The following AP2A2 variants were observed in gnomAD, a reference collection of about 807,000 sequenced individuals.
AP2A2 encodes the protein adaptor related protein complex 2 subunit alpha 2.
A neutral mutation model predicts 104.2 loss-of-function variants in AP2A2; 32 were observed. The ratio of observed to expected loss-of-function variants is 0.31; its 90% CI spans 0.23 to 0.41. The LOEUF (loss-of-function observed/expected upper bound fraction) is 0.41, where lower values mean the gene tolerates loss of function less well. Ranked by LOEUF, AP2A2 falls within the 10% of genes least tolerant of loss-of-function variation. AP2A2 has a pLI of 1.00. For missense variants in AP2A2, 912 were observed against 1,261.0 expected, an observed-to-expected ratio of 0.72 and a Z score of 4.19; for synonymous variants, 539 against 533.3, an observed-to-expected ratio of 1.01 and a Z score of -0.15.
At chr11:1,000,941 C>A (rs914303724) in intron 15 of AP2A2, among the ~76,000 whole-genome samples, 1 of 152,192 alleles carries the variant, frequency 6.6e-6, no homozygotes, top group Non-Finnish European at 1.5e-5. Context: ...TGTAGCTACA[C>A]GTCTCCTCTC....
At chr11:994,541 C>T (rs1247184222) in intron 14 of AP2A2, among the ~76,000 whole-genome samples, 26 of 147,280 alleles carry the variant, frequency 1.8e-4, no homozygotes, top group African/African-American at 3.0e-4. Context: ...GCTGGACGCC[C>T]CCCTGGCCTG....
At chr11:981,107 G>C (rs1855221603) in intron 5 of AP2A2, 91 bp from the exon 6 acceptor site, 1 of 1,088,510 alleles carries the variant, frequency 9.2e-7, no homozygotes, top group South Asian at 1.6e-5. Flanking sequence ...CCACTGTGCT[G>C]CTGGTTGGTT....
chr11:959,819 T>TTGGTGG (rs1444104215), intron 2 of AP2A2, among the ~76,000 whole-genome samples: 1 of 151,866 alleles, frequency 6.6e-6, no homozygotes, highest in Non-Finnish European at 1.5e-5. Context: ...CGGGAAGTGC[T>TTGGTGG]CTGTGTAAGG....
rs1351518468 is a variant in AP2A2 at position 992,739 on chromosome 11, G to C, written c.1452+54G>C. The C allele has an allele frequency of 1.9e-6, 3 of 1,602,226 alleles. No homozygotes were observed. Among genetic ancestry groups the C allele is most frequent in the Non-Finnish European group, 2.6e-6 (3 of 1,171,502 alleles). Reference sequence around the variant, plus strand: ...GGGGTGGAGGGCAGTTGCAGAAGGTGAGCAGTGAGTGGTTCCAGCCTGCCT... The same window carrying C: ...GGGGTGGAGGGCAGTTGCAGAAGGTCAGCAGTGAGTGGTTCCAGCCTGCCT... On this transcript the variant is annotated intron_variant, in intron 11 of 21. Transcript: ENST00000448903. The surrounding 1 kb of genome is among the most constrained non-coding windows in gnomAD (Gnocchi z 6.4).
chr11:926,407 G>C (rs1853123698), intron 1 of AP2A2, among the ~76,000 whole-genome samples: 1 of 151,494 alleles, frequency 6.6e-6, no homozygotes, highest in African/African-American at 2.4e-5. Context: ...CCAGGGTCTA[G>C]GGGTGCGGGG....
intron 2 of AP2A2, among the ~76,000 whole-genome samples, chr11:969,731 G>C (rs1179478958): frequency 6.6e-6 from 1 of 152,138 alleles, no homozygotes; most frequent in Non-Finnish European, 1.5e-5. Flanking sequence ...GCTATGAAGT[G>C]GCAGATAATT....
Position 988,534 on chromosome 11 carries a change from C to T in AP2A2, c.1132-18C>T. On this transcript the variant is annotated intron_variant, in intron 9 of 21. Transcript: ENST00000448903. The stretch of plus-strand genomic sequence containing the variant: ...TGCCTTGCTCCTGCGACCTCTTACT[C>T]TGTGCCTTGTTCCCCAGACTGAGCG... 1 of 1,608,010 alleles carries T rather than the reference C, an allele frequency of 6.2e-7. No individual in the cohort carries two copies. The highest frequency in any genetic ancestry group is 8.5e-7 in the Non-Finnish European group (1 of 1,179,312).
At chr11:958,901 G>C (rs1261318223) in intron 1 of AP2A2, among the ~76,000 whole-genome samples, 1 of 152,208 alleles carries the variant, frequency 6.6e-6, no homozygotes, top group Non-Finnish European at 1.5e-5. Context: ...GCTGAGTCTT[G>C]AAGGATGCGT....
At chr11:951,700 G>T (rs1427752446) in intron 1 of AP2A2, among the ~76,000 whole-genome samples, 1 of 152,164 alleles carries the variant, frequency 6.6e-6, no homozygotes, top group African/African-American at 2.4e-5. Flanking sequence ...TGATAGCCCA[G>T]GGTCACGTAG....
chr11:953,637 G>A (rs1486006643), intron 1 of AP2A2, among the ~76,000 whole-genome samples: 2 of 148,332 alleles, frequency 1.3e-5, no homozygotes, highest in African/African-American at 2.5e-5. Context: ...GCCTCCGTCT[G>A]CCTCCGTCTG....
intron 2 of AP2A2, among the ~76,000 whole-genome samples, chr11:963,880 C>A (rs750000892): frequency 5.3e-5 from 8 of 152,248 alleles, no homozygotes; most frequent in South Asian, 4.1e-4. Context: ...TCTGCCTTGA[C>A]CTCCCAAAGT....
intron 2 of AP2A2, among the ~76,000 whole-genome samples, chr11:969,219 CCTTTTTTTTTTTTTTTTTT>C (rs1249072372): frequency 1.8e-5 from 2 of 112,812 alleles, no homozygotes; most frequent in African/African-American, 6.6e-5. Flanking sequence ...GTAGAACAGC[CCTTTTTTTTTTTTTTTTTT>C]TTTTTTTTTG....
chr11:928,800 T>C (rs890128894), intron 1 of AP2A2, among the ~76,000 whole-genome samples: 1 of 152,200 alleles, frequency 6.6e-6, no homozygotes, highest in Non-Finnish European at 1.5e-5. Context: ...CGGAATCCTC[T>C]TTCCCTCATT....
intron 2 of AP2A2, among the ~76,000 whole-genome samples, chr11:961,633 T>TCGCC (rs1564795107): frequency 1.2e-4 from 6 of 49,980 alleles, no homozygotes; most frequent in African/African-American, 1.4e-4. Context: ...CTGACAGAGT[T>TCGCC]GCCACCAGTG....
At position 1,012,164 on chromosome 11, in the gene AP2A2, C is replaced by G. The variant is rs988973079; in HGVS notation, c.*1539C>G. 1 of 152,546 alleles carries G rather than the reference C, an allele frequency of 6.6e-6. No homozygotes were observed. Among genetic ancestry groups the G allele is most frequent in the South Asian group, 2.1e-4 (1 of 4,846 alleles). 9.4% of individuals were successfully genotyped at this position (152,546 alleles called of 1,614,324 possible). A position where few individuals can be genotyped will look rare whatever the true frequency, so the allele number is the denominator to read the frequency against. On this transcript the variant is annotated 3_prime_UTR_variant, in exon 22 of 22. Coordinates refer to ENST00000448903, the MANE Select transcript of AP2A2 (RefSeq NM_012305.4). ...GAGGAAAGGCTGCTCCCCGAGGCAC[C>G]GCTTCCCTGTGCGGCGCTGCAGAGG...
chr11:934,227 A>C (rs1235891570), intron 1 of AP2A2, among the ~76,000 whole-genome samples: 1 of 152,136 alleles, frequency 6.6e-6, no homozygotes. Context: ...TAACACTTCT[A>C]GCCGGGGGTT....
chr11:940,908 T>C (rs944880980), intron 1 of AP2A2: 6 of 455,878 alleles, frequency 1.3e-5, no homozygotes, highest in African/African-American at 1.2e-4. Flanking sequence ...AGCAGGTGGG[T>C]GTTGTGAGCC....
Position 1,010,531 on chromosome 11 carries a change from T to G in AP2A2, c.2743-17T>G. 6.3e-7 allele frequency: 1 copy of G among 1,575,976 alleles called. No individual in the cohort carries two copies. The highest frequency in any genetic ancestry group is 1.2e-5 in the South Asian group (1 of 85,586). On this transcript the variant is annotated splice_polypyrimidine_tract_variant and intron_variant, in intron 21 of 21. Transcript: ENST00000448903. ...AGCCTCGGCGTGCCCGTTGACCTGC[T>G]GTGCTCTCTGTTTCAGATGTACCGG...
chr11:993,667 G>A lies in AP2A2; in HGVS notation c.1551-87G>A. On this transcript the variant is annotated intron_variant, in intron 12 of 21. Coordinates refer to ENST00000448903, the MANE Select transcript of AP2A2 (RefSeq NM_012305.4). This position sits in a 1 kb window ranked among gnomAD's most constrained non-coding sequence, Gnocchi z 8.2. ...AGCGGCCTCTGGTGCAGGCCAGGGG[G>A]TCTCGCCGCCGTCCCCCCCCCGCGG... 1.9e-6 allele frequency: 2 copies of A among 1,042,858 alleles called. No individual in the cohort carries two copies. The highest frequency in any genetic ancestry group is 2.8e-6 in the Non-Finnish European group (2 of 715,512). 64.6% of individuals were successfully genotyped at this position (1,042,858 alleles called of 1,614,324 possible).
Sources: gnomAD v4.1 joint callset for allele counts (sites outside exome capture counted in the v4.1 genomes callset) on GRCh38, gnomAD v4.1.1 for gene constraint, Gnocchi (gnomAD v3.1) non-coding constraint, MANE v1.5 for transcripts, NCBI Gene and HGNC (gene_info 2026-07-23, HGNC 2026-07-21) for gene names.